The following ERAP1 variants were observed in gnomAD, a reference collection of about 807,000 sequenced individuals.
ERAP1 encodes the protein endoplasmic reticulum aminopeptidase 1.
Under a neutral mutation model 103.7 loss-of-function variants are expected in ERAP1, and 86 were observed. The observed-to-expected ratio is 0.83, with a 90% confidence interval of 0.70 to 0.99. The LOEUF (loss-of-function observed/expected upper bound fraction) is 0.99. ERAP1 is among the 50% of genes least tolerant of loss of function. The pLI is 0.00. For missense variants in ERAP1, 1,009 were observed against 1,128.4 expected (o/e 0.89, Z 1.52); for synonymous variants, 398 against 402.4 (o/e 0.99, Z 0.13).
chr5:96,782,783 A>C (rs11750934), intron 15 of ERAP1, among the ~76,000 whole-genome samples: 13,947 of 152,288 alleles, frequency 0.092, 843 homozygotes, highest in Middle Eastern at 0.16. Context: ...CCGTTTAATA[A>C]GATTTTGCAT....
At chr5:96,798,432 G>A (rs1418105864) in intron 3 of ERAP1, among the ~76,000 whole-genome samples, 2 of 151,702 alleles carry the variant, frequency 1.3e-5, no homozygotes, top group African/African-American at 4.8e-5. Flanking sequence ...TACAGTCTTA[G>A]AGGTCTGCCC....
At chr5:96,779,027 A>G (rs1358166010) in intron 18 of ERAP1, among the ~76,000 whole-genome samples, 1 of 152,156 alleles carries the variant, frequency 6.6e-6, no homozygotes, top group Admixed American at 6.5e-5. Context: ...AGATGTTGGC[A>G]TTTCCTTCGA....
chr5:96,784,174 G>T, intron 13 of ERAP1, 94 bp from the exon 14 acceptor site: 1 of 1,336,624 alleles, frequency 7.5e-7, no homozygotes, highest in Non-Finnish European at 1.1e-6. Context: ...AGCAAAACAA[G>T]CAATCAGATA....
rs111774449 is a variant in ERAP1 at position 96,776,403 on chromosome 5, C to G, written c.2819G>C (p.Arg940Pro). The part of the protein sequence containing the change: ...RVWLQSEKLE[R>P]M ...CTGGCAAGGGAGGAATTTTTACATA[C>G]GTTCAAGCTTTTCACTTTGCAGCCA... The change falls in exon 19 of 19, where the codon CGT becomes CCT. Residue 940 changes from arginine (R) to proline (P), a missense_variant. Arg to Pro is a moderately radical substitution (Grantham distance 103, BLOSUM62 -2). Around this residue, in one of 3 missense-constraint regions of ERAP1, gnomAD observed 611 missense variants for 651.7 expected, o/e 0.94. Coordinates refer to ENST00000443439, the MANE Select transcript of ERAP1 (RefSeq NM_001040458.3). The G allele has an allele frequency of 6.2e-7, 1 of 1,610,998 alleles. No homozygotes were observed. Among genetic ancestry groups the G allele is most frequent in the South Asian group, 1.1e-5 (1 of 90,408 alleles).
At chr5:96,780,644 G>A (rs1385921427) in intron 17 of ERAP1, 140 bp from the exon 18 acceptor site, 11 of 721,514 alleles carry the variant, frequency 1.5e-5, no homozygotes, top group South Asian at 1.4e-4. Flanking sequence ...TATCCAATGG[G>A]TTAAGATCTA....
the ERAP1 span, among the ~76,000 whole-genome samples, chr5:96,830,881 A>G: frequency 6.6e-6 from 1 of 152,164 alleles, no homozygotes; most frequent in African/African-American, 2.4e-5. Context: ...CACACAAGGG[A>G]TTAGTTCCAG....
At chr5:96,856,137 G>A in the ERAP1 span, among the ~76,000 whole-genome samples, 1 of 150,886 alleles carries the variant, frequency 6.6e-6, no homozygotes, top group African/African-American at 2.4e-5. Flanking sequence ...TGGCTAACGT[G>A]GTGAAACCCC....
At chr5:96,899,521 T>A in the ERAP1 span, among the ~76,000 whole-genome samples, 2 of 152,226 alleles carry the variant, frequency 1.3e-5, no homozygotes, top group African/African-American at 4.8e-5. Context: ...CATTCTTCAT[T>A]TTTTCTCATT....
chr5:96,886,671 T>C, the ERAP1 span: 3 of 1,541,652 alleles, frequency 1.9e-6, no homozygotes, highest in East Asian at 2.3e-5. Context: ...ACAATTGAAC[T>C]TGAAGGAGGT....
the ERAP1 span, among the ~76,000 whole-genome samples, chr5:96,923,118 T>G: frequency 6.6e-6 from 1 of 152,180 alleles, no homozygotes; most frequent in South Asian, 2.1e-4. Context: ...TGACTGAAGA[T>G]GTGCACCACA....
chr5:96,788,152 T>C (rs1282767612), intron 11 of ERAP1, among the ~76,000 whole-genome samples: 2 of 152,174 alleles, frequency 1.3e-5, no homozygotes, highest in Non-Finnish European at 2.9e-5. Context: ...GAGTCTCTCA[T>C]CATTCTCGGA....
the ERAP1 span, among the ~76,000 whole-genome samples, chr5:96,857,288 A>G: frequency 6.6e-6 from 1 of 152,298 alleles, no homozygotes; most frequent in Admixed American, 6.5e-5. Flanking sequence ...TACTCCTAGC[A>G]CACACATGTC....
chr5:96,887,563 G>A, the ERAP1 span, among the ~76,000 whole-genome samples: 1 of 152,136 alleles, frequency 6.6e-6, no homozygotes, highest in Non-Finnish European at 1.5e-5. Context: ...GCCTCCCAAA[G>A]TGTTGGGATT....
chr5:96,826,559 A>T, the ERAP1 span, among the ~76,000 whole-genome samples: 1 of 152,190 alleles, frequency 6.6e-6, no homozygotes, highest in Non-Finnish European at 1.5e-5. Context: ...TTTTGAAAAA[A>T]GAGCCACAAA....
chr5:96,807,971 G>T (rs1281309694), upstream of ERAP1: 6 of 985,614 alleles, frequency 6.1e-6, no homozygotes, highest in Non-Finnish European at 7.2e-6. Context: ...GCAGGCTGGC[G>T]CTGAGCGGCG....
At position 96,803,654 on chromosome 5, in the gene ERAP1, G is replaced by T. The variant is rs752869956; in HGVS notation, c.273C>A (p.Ser91Arg). 3 of 1,614,216 alleles carry T rather than the reference G, an allele frequency of 1.9e-6. No homozygotes were observed. Among genetic ancestry groups the T allele is most frequent in the Non-Finnish European group, 2.5e-6 (3 of 1,180,032 alleles). The change falls in exon 2 of 19, where the codon AGC (serine) becomes AGA (arginine). Residue 91 changes from serine to arginine, a missense_variant. Ser to Arg is a moderately radical substitution (Grantham distance 110). Coordinates refer to ENST00000443439, the MANE Select transcript of ERAP1 (RefSeq NM_001040458.3). ...KVEITASQPTSTIILHSHHLQ... is the reference protein window; with the variant it reads ...KVEITASQPTRTIILHSHHLQ... ...GGTGGTGACTATGCAGGATGATGGT[G>T]CTGGTGGGCTGACTGGCTGTGATTT... is the stretch of plus-strand genomic sequence containing the variant.
At chr5:96,915,779 T>G in the ERAP1 span, 1 of 1,582,350 alleles carries the variant, frequency 6.3e-7, no homozygotes, top group Non-Finnish European at 8.6e-7. Context: ...GGTTTGTGAC[T>G]TTCTGTTTTT....
chr5:96,860,463 A>T, the ERAP1 span, among the ~76,000 whole-genome samples: 2 of 152,162 alleles, frequency 1.3e-5, no homozygotes, highest in Non-Finnish European at 2.9e-5. Context: ...TGTGGTGGTG[A>T]TATTAAGGCT....
At chr5:96,875,006 A>AAATG in the ERAP1 span, among the ~76,000 whole-genome samples, 1 of 152,246 alleles carries the variant, frequency 6.6e-6, no homozygotes. Context: ...TTCCCACACT[A>AAATG]GGACTTGCCC....
Sources: gnomAD v4.1 joint callset for allele counts (sites outside exome capture counted in the v4.1 genomes callset) on GRCh38, gnomAD v4.1.1 for gene constraint, gnomAD v4.1.1 regional missense constraint, MANE v1.5 for transcripts, NCBI Gene and HGNC (gene_info 2026-07-23, HGNC 2026-07-21) for gene names.